The following CNTNAP2 variants were observed in gnomAD, a reference collection of about 807,000 sequenced individuals.
CNTNAP2 encodes the protein contactin-associated protein-like 2.
In CNTNAP2, 98 loss-of-function variants were observed where a neutral mutation model predicts 155.2. The observed-to-expected ratio is 0.63, with a 90% CI of 0.54 to 0.75. The LOEUF (loss-of-function observed/expected upper bound fraction) is 0.75, where lower values mean the gene tolerates loss of function less well. CNTNAP2 is among the 30% of genes least tolerant of loss of function. CNTNAP2 has a pLI of 0.00. For synonymous variants in CNTNAP2, 651 were observed against 631.2 expected, an observed-to-expected ratio of 1.03 and a Z score of -0.47; for missense variants, 1,727 against 1,688.1, an observed-to-expected ratio of 1.02 and a Z score of -0.40.
intron 15 of CNTNAP2, among the ~76,000 whole-genome samples, chr7:148,010,755 GCC>G (rs1363538224): frequency 6.6e-6 from 1 of 151,616 alleles, no homozygotes; most frequent in East Asian, 1.9e-4. Context: ...TTCACCCTCT[GCC>G]CCCACATATG....
At chr7:147,910,734 G>A (rs1257880177) in intron 14 of CNTNAP2, among the ~76,000 whole-genome samples, 8 of 152,256 alleles carry the variant, frequency 5.3e-5, no homozygotes, top group African/African-American at 1.4e-4. Flanking sequence ...CAGATCTCAT[G>A]AGACTTAGTC....
chr7:147,668,012 C>T (rs1795726370), intron 13 of CNTNAP2, among the ~76,000 whole-genome samples: 1 of 152,142 alleles, frequency 6.6e-6, no homozygotes, highest in African/African-American at 2.4e-5. Flanking sequence ...GAAAAATCAA[C>T]AAGGTGGTGG....
At chr7:147,507,779 C>G (rs369704369) in intron 11 of CNTNAP2, among the ~76,000 whole-genome samples, 1 of 151,926 alleles carries the variant, frequency 6.6e-6, no homozygotes, top group South Asian at 2.1e-4. Context: ...GGTTGATCTC[C>G]TGACCTCGTG....
At chr7:147,912,851 AAGG>A (rs1485828072) in intron 14 of CNTNAP2, among the ~76,000 whole-genome samples, 1 of 152,150 alleles carries the variant, frequency 6.6e-6, no homozygotes, top group Non-Finnish European at 1.5e-5. Flanking sequence ...TAAATCCCTT[AAGG>A]AGGAAATTCC....
intron 8 of CNTNAP2, among the ~76,000 whole-genome samples, chr7:147,227,928 G>T (rs1380649835): frequency 2.6e-5 from 4 of 152,192 alleles, no homozygotes; most frequent in Non-Finnish European, 5.9e-5. Flanking sequence ...AAGGTGGAAA[G>T]TCTGAGGCTG....
chr7:147,188,933 T>C (rs1242131547), intron 8 of CNTNAP2, among the ~76,000 whole-genome samples: 2 of 152,180 alleles, frequency 1.3e-5, no homozygotes, highest in African/African-American at 4.8e-5. Context: ...ACCAGAAGCA[T>C]TGTGTTGTTT....
At chr7:147,042,238 A>G (rs1799273577) in intron 3 of CNTNAP2, among the ~76,000 whole-genome samples, 1 of 152,256 alleles carries the variant, frequency 6.6e-6, no homozygotes, top group South Asian at 2.1e-4. Context: ...AGAAGAGCAC[A>G]GCAGGAATCG....
chr7:147,639,029 G>A, intron 12 of CNTNAP2, 77 bp from the exon 13 acceptor site: 1 of 1,415,966 alleles, frequency 7.1e-7, no homozygotes, highest in Non-Finnish European at 1.0e-6. Flanking sequence ...TTTAAGTGTG[G>A]CTCAATTATT....
chr7:147,716,597 G>A (rs1330814527), intron 13 of CNTNAP2, among the ~76,000 whole-genome samples: 1 of 152,116 alleles, frequency 6.6e-6, no homozygotes. Flanking sequence ...GAGCTTCCAT[G>A]GTGGACATGC....
chr7:146,390,328 A>G (rs1795522234), intron 1 of CNTNAP2, among the ~76,000 whole-genome samples: 1 of 152,058 alleles, frequency 6.6e-6, no homozygotes. Context: ...TAGGTGCCAC[A>G]TTAACTGGGT....
chr7:147,769,139 T>C (rs1301566066), intron 13 of CNTNAP2, among the ~76,000 whole-genome samples: 1 of 152,192 alleles, frequency 6.6e-6, no homozygotes, highest in Non-Finnish European at 1.5e-5. Context: ...AGATTTTATA[T>C]GATTCAGTTA....
At chr7:147,668,192 A>T (rs1319673630) in intron 13 of CNTNAP2, among the ~76,000 whole-genome samples, 1 of 152,216 alleles carries the variant, frequency 6.6e-6, no homozygotes, top group African/African-American at 2.4e-5. Context: ...CCCCCAAGGA[A>T]ATTCACAGTG....
intron 12 of CNTNAP2, among the ~76,000 whole-genome samples, chr7:147,618,638 GTATATA>G (rs897020200): frequency 6.7e-6 from 1 of 148,418 alleles, no homozygotes; most frequent in South Asian, 2.1e-4. Context: ...GCTATAAAAT[GTATATA>G]TATATAATAA....
At chr7:147,380,163 A>G (rs753524357) in intron 9 of CNTNAP2, among the ~76,000 whole-genome samples, 2 of 152,072 alleles carry the variant, frequency 1.3e-5, no homozygotes, top group African/African-American at 2.4e-5. Flanking sequence ...CAGAAAATTT[A>G]TGTTATAAAC....
intron 21 of CNTNAP2, among the ~76,000 whole-genome samples, chr7:148,364,774 T>A (rs546081974): frequency 1.1e-3 from 163 of 152,276 alleles, no homozygotes; most frequent in Middle Eastern, 3.4e-3. Context: ...GATAAGAGAA[T>A]AAAAGCAGGC....
intron 4 of CNTNAP2, chr7:147,082,138 G>T (rs1042189192): frequency 6.6e-6 from 1 of 152,160 alleles, no homozygotes; most frequent in Admixed American, 6.5e-5. Context: ...CACTGGCTGG[G>T]CTTTGACCAG....
intron 13 of CNTNAP2, among the ~76,000 whole-genome samples, chr7:147,858,232 G>C (rs974618061): frequency 6.6e-6 from 1 of 152,038 alleles, no homozygotes; most frequent in African/African-American, 2.4e-5. Flanking sequence ...GATGACAGGC[G>C]CCTGCCACCA....
At chr7:147,438,001 G>GT (rs941695989) in intron 10 of CNTNAP2, among the ~76,000 whole-genome samples, 20 of 152,092 alleles carry the variant, frequency 1.3e-4, no homozygotes, top group Middle Eastern at 6.8e-3. Context: ...AGTTCTAATA[G>GT]TTTTTTTGTG....
At chr7:146,613,988 T>C (rs1479457122) in intron 1 of CNTNAP2, among the ~76,000 whole-genome samples, 1 of 152,150 alleles carries the variant, frequency 6.6e-6, no homozygotes, top group Non-Finnish European at 1.5e-5. Flanking sequence ...TGGGAAGGAA[T>C]TCACTAAGTA....
Sources: allele counts gnomAD v4.1 joint callset (sites outside exome capture counted in the v4.1 genomes callset), GRCh38; gene constraint gnomAD v4.1.1; transcripts MANE v1.5; gene names NCBI Gene and HGNC (gene_info 2026-07-23, HGNC 2026-07-21).